DNER: variants seen among roughly 807,000 people sequenced by gnomAD.
The protein encoded by DNER is delta and Notch-like epidermal growth factor-related receptor.
A neutral mutation model predicts 78.2 loss-of-function variants in DNER; 33 were observed. The observed-to-expected ratio is 0.42, with a 90% CI of 0.32 to 0.56. The LOEUF (loss-of-function observed/expected upper bound fraction) is 0.56, where lower values mean the gene tolerates loss of function less well. Among genes scored for constraint, DNER ranks in the 20% least tolerant of loss-of-function variants. The pLI, the probability that DNER is intolerant of heterozygous loss-of-function variation, is 0.11. For synonymous variants in DNER, 417 were observed against 384.8 expected, an observed-to-expected ratio of 1.08 and a Z score of -0.98; for missense variants, 918 against 975.3, an observed-to-expected ratio of 0.94 and a Z score of 0.78.
At chr2:229,712,726 C>T (rs1046476276) in intron 1 of DNER, among the ~76,000 whole-genome samples, 2 of 152,104 alleles carry the variant, frequency 1.3e-5, no homozygotes, top group Admixed American at 6.5e-5. Context: ...AGGCATTTCC[C>T]CCAAGAAGCT....
intron 1 of DNER, among the ~76,000 whole-genome samples, chr2:229,657,403 G>A (rs921257212): frequency 2.6e-5 from 4 of 152,074 alleles, no homozygotes; most frequent in African/African-American, 9.7e-5. Flanking sequence ...GAGCATTTAG[G>A]TTGGTTCTAT....
chr2:229,523,527 A>G (rs946146777), intron 5 of DNER, among the ~76,000 whole-genome samples: 2 of 152,086 alleles, frequency 1.3e-5, no homozygotes, highest in African/African-American at 4.8e-5. Flanking sequence ...GGACCCACCC[A>G]TATTTCACTT....
At chr2:229,554,692 AAAAT>A (rs568515499) in intron 4 of DNER, among the ~76,000 whole-genome samples, 5 of 151,922 alleles carry the variant, frequency 3.3e-5, no homozygotes, top group Admixed American at 1.3e-4. Flanking sequence ...CTGTCTCAAA[AAAAT>A]AAATAAATAA....
chr2:229,373,161 C>T (rs368380646), intron 11 of DNER, among the ~76,000 whole-genome samples: 6 of 152,098 alleles, frequency 3.9e-5, no homozygotes, highest in East Asian at 1.9e-4. Flanking sequence ...AACAGACAAC[C>T]GACAGAAGAG....
At chr2:229,596,303 A>G (rs1284159643) in intron 1 of DNER, among the ~76,000 whole-genome samples, 3 of 152,250 alleles carry the variant, frequency 2.0e-5, no homozygotes, top group Admixed American at 6.5e-5. Context: ...AGGTCTTGAG[A>G]ACATAAGTCA....
intron 4 of DNER, among the ~76,000 whole-genome samples, chr2:229,585,504 T>C (rs1324382137): frequency 6.6e-6 from 1 of 151,830 alleles, no homozygotes; most frequent in Non-Finnish European, 1.5e-5. Context: ...TTACTAAAAA[T>C]GCAAAATGAG....
chr2:229,374,440 A>G (rs1420695602), intron 11 of DNER, among the ~76,000 whole-genome samples: 1 of 152,206 alleles, frequency 6.6e-6, no homozygotes, highest in African/African-American at 2.4e-5. Flanking sequence ...AAGACACCCA[A>G]GTAGTTATGT....
At chr2:229,580,886 G>A (rs1697380260) in intron 4 of DNER, among the ~76,000 whole-genome samples, 1 of 152,054 alleles carries the variant, frequency 6.6e-6, no homozygotes, top group Admixed American at 6.6e-5. Flanking sequence ...ATTTTAACTG[G>A]CCATTTTCTA....
At chr2:229,424,149 C>A (rs949818010) in intron 8 of DNER, among the ~76,000 whole-genome samples, 1 of 152,198 alleles carries the variant, frequency 6.6e-6, no homozygotes, top group Admixed American at 6.5e-5. Flanking sequence ...GTACTGCCTA[C>A]AAAGCTAAAG....
At chr2:229,467,559 T>C (rs1165625644) in intron 7 of DNER, among the ~76,000 whole-genome samples, 1 of 152,200 alleles carries the variant, frequency 6.6e-6, no homozygotes, top group Non-Finnish European at 1.5e-5. Flanking sequence ...GGGCCAGGAC[T>C]GTATCACATG....
At chr2:229,517,139 A>G (rs1213866447) in intron 5 of DNER, among the ~76,000 whole-genome samples, 1 of 151,498 alleles carries the variant, frequency 6.6e-6, no homozygotes, top group Non-Finnish European at 1.5e-5. Context: ...AAAAAAAATT[A>G]ATAAAAGGAA....
At chr2:229,517,776 T>C (rs1267472801) in intron 5 of DNER, among the ~76,000 whole-genome samples, 2 of 152,270 alleles carry the variant, frequency 1.3e-5, no homozygotes, top group East Asian at 1.9e-4. Flanking sequence ...CTCTGGCGGA[T>C]AGAGTTCAAG....
intron 11 of DNER, among the ~76,000 whole-genome samples, chr2:229,380,418 T>C (rs1001087619): frequency 3.3e-5 from 5 of 152,018 alleles, no homozygotes; most frequent in African/African-American, 1.2e-4. Context: ...GTTTTCTTTA[T>C]CTGTCAAAAG....
chr2:229,491,154 A>G (rs1346506136), intron 6 of DNER, among the ~76,000 whole-genome samples: 1 of 152,148 alleles, frequency 6.6e-6, no homozygotes, highest in Non-Finnish European at 1.5e-5. Context: ...TCTCTCGGGC[A>G]CTGTGCTCCG....
At chr2:229,548,862 C>T (rs1223909975) in intron 4 of DNER, among the ~76,000 whole-genome samples, 4 of 151,786 alleles carry the variant, frequency 2.6e-5, no homozygotes, top group Non-Finnish European at 5.9e-5. Flanking sequence ...AAATAATAAC[C>T]ATAAAGAACA....
At chr2:229,460,156 CAAAAAAAA>C (rs5839331) in intron 7 of DNER, among the ~76,000 whole-genome samples, 17 of 85,504 alleles carry the variant, frequency 2.0e-4, no homozygotes, top group African/African-American at 5.5e-4. Flanking sequence ...GACTCCGTCT[CAAAAAAAA>C]AAAAAAAAAA....
intron 1 of DNER, among the ~76,000 whole-genome samples, chr2:229,616,750 C>T (rs1216188980): frequency 6.6e-6 from 1 of 152,212 alleles, no homozygotes; most frequent in Non-Finnish European, 1.5e-5. Context: ...TGCCATTAAT[C>T]TCTAATACCC....
At chr2:229,697,129 T>C (rs537334212) in intron 1 of DNER, among the ~76,000 whole-genome samples, 34 of 152,146 alleles carry the variant, frequency 2.2e-4, no homozygotes, top group African/African-American at 7.7e-4. Flanking sequence ...ATAAACAAAA[T>C]GTGATATATA....
chr2:229,678,367 T>C (rs1157438396), intron 1 of DNER, among the ~76,000 whole-genome samples: 2 of 152,086 alleles, frequency 1.3e-5, no homozygotes, highest in Admixed American at 6.5e-5. Context: ...AGAGAACCCA[T>C]GCATCATGAA....
Sources: gnomAD v4.1 joint callset for allele counts (sites outside exome capture counted in the v4.1 genomes callset) on GRCh38, gnomAD v4.1.1 for gene constraint, MANE v1.5 for transcripts, NCBI Gene and HGNC (gene_info 2026-07-23, HGNC 2026-07-21) for gene names.